Variants in RNF216 observed in about 807,000 individuals in gnomAD.
RNF216 encodes ring finger protein 216.
In RNF216, 72 loss-of-function variants were observed where a neutral mutation model predicts 110.8. That is an observed-to-expected ratio of 0.65 (90% CI 0.54 to 0.79). The LOEUF is 0.79. Ranked by LOEUF, RNF216 falls within the 30% of genes least tolerant of loss-of-function variation. The probability of loss-of-function intolerance (pLI) is 0.00; values close to 1 mark genes in which losing one functional copy is unlikely to be tolerated. For synonymous variants in RNF216, 495 were observed against 407.5 expected (o/e 1.21, Z -2.59); for missense variants, 1,342 against 1,141.2 (o/e 1.18, Z -2.54).
At chr7:5,729,260 T>C (rs1439689676) in intron 7 of RNF216, among the ~76,000 whole-genome samples, 172 bp downstream of exon 7, 1 of 152,216 alleles carries the variant, frequency 6.6e-6, no homozygotes, top group Middle Eastern at 3.2e-3. Flanking sequence ...CTATTATTTC[T>C]TTTCATTTAG....
chr7:5,672,761 G>A (rs1299887614), intron 13 of RNF216, among the ~76,000 whole-genome samples: 4 of 152,078 alleles, frequency 2.6e-5, no homozygotes, highest in East Asian at 1.9e-4. Flanking sequence ...GGTGAGCAGC[G>A]CAAGGTAGAG....
intron 13 of RNF216, among the ~76,000 whole-genome samples, chr7:5,707,235 A>G (rs751856564): frequency 2.6e-5 from 4 of 152,186 alleles, no homozygotes; most frequent in Admixed American, 6.5e-5. Flanking sequence ...TGTCTAGGAT[A>G]TTTGGGATCC....
rs190971662 is a variant in RNF216, at chr7:5,740,624, T to C, written c.1044+349A>G. 2.4e-3 allele frequency among the ~76,000 whole-genome samples: 370 copies of C among 152,306 alleles called. 1 individual carries two copies. Among genetic ancestry groups the C allele is most frequent in the Non-Finnish European group, 2.6e-3 (179 of 68,030 alleles). On this transcript the variant is annotated intron_variant, in intron 4 of 16. Coordinates refer to ENST00000389902, the MANE Select transcript of RNF216 (RefSeq NM_207111.4). ...CACAAGGAGCTAGTAAGTGCCATAT[T>C]GGACAGCATAGGTCTAGGTAATTCA...
intron 3 of RNF216, among the ~76,000 whole-genome samples, chr7:5,744,051 G>GT (rs1223573723): frequency 6.6e-6 from 1 of 152,154 alleles, no homozygotes; most frequent in Non-Finnish European, 1.5e-5. Context: ...AACAAGAGAA[G>GT]TAACAGACAA....
intron 11 of RNF216, among the ~76,000 whole-genome samples, chr7:5,714,555 A>G (rs557260369): frequency 2.6e-4 from 39 of 152,202 alleles, no homozygotes; most frequent in African/African-American, 7.5e-4. Context: ...ACCCGGGCAA[A>G]AAGTCATCTT....
intron 1 of RNF216, among the ~76,000 whole-genome samples, chr7:5,774,222 T>C (rs906850294): frequency 1.3e-5 from 2 of 152,176 alleles, no homozygotes; most frequent in East Asian, 1.9e-4. Flanking sequence ...TCCAGATAAA[T>C]TGTTCAATCT....
chr7:5,718,556 T>A (rs1233637284), intron 9 of RNF216, among the ~76,000 whole-genome samples: 2 of 151,990 alleles, frequency 1.3e-5, no homozygotes, highest in South Asian at 4.2e-4. Context: ...CACCCTTTTT[T>A]TTTTTTTTGA....
chr7:5,644,388 C>T (rs852467), intron 14 of RNF216, among the ~76,000 whole-genome samples: 3,698 of 152,128 alleles, frequency 0.024, 78 homozygotes, highest in African/African-American at 0.041. Flanking sequence ...AGGTGTGAAG[C>T]GGTATCTTAT....
chr7:5,712,960 T>C (rs940902422), intron 11 of RNF216, 97 bp from the exon 12 acceptor site: 4 of 1,104,170 alleles, frequency 3.6e-6, no homozygotes, highest in African/African-American at 3.2e-5. Flanking sequence ...TGAGACAACA[T>C]AGCAAGGATC....
At chr7:5,736,951 C>A (rs997184691) in intron 5 of RNF216, among the ~76,000 whole-genome samples, 1 of 151,694 alleles carries the variant, frequency 6.6e-6, no homozygotes, top group African/African-American at 2.4e-5. Flanking sequence ...AGGTGGGGAG[C>A]ACCTCTGCCC....
chr7:5,697,874 G>A (rs1791725350), intron 13 of RNF216, among the ~76,000 whole-genome samples: 1 of 152,144 alleles, frequency 6.6e-6, no homozygotes, highest in Admixed American at 6.5e-5. Context: ...AACACGAGAT[G>A]TTTTTAGCAG....
rs11319565 is a variant in RNF216 at position 5,671,805 on chromosome 7, C to CAAAAAAAAAAAAAAA, written c.2062-19310_2062-19296dup. Among the ~76,000 whole-genome samples, 182 of 54,216 alleles carry CAAAAAAAAAAAAAAA rather than the reference C, an allele frequency of 3.4e-3. 2 individuals are homozygous for CAAAAAAAAAAAAAAA. The highest frequency in any genetic ancestry group is 5.2e-3 in the Non-Finnish European group (157 of 30,360). The allele number at this position is 54,216 out of a possible 152,430, so 35.6% of individuals were successfully genotyped here. A position where few individuals can be genotyped will look rare whatever the true frequency, so the allele number is the denominator to read the frequency against. ...GAGCAAAGAGACCAAAACTCCGTCT[C>CAAAAAAAAAAAAAAA]AAAAAAAAAAAAAAAAAAAAAAAAG... On this transcript the variant is annotated intron_variant, in intron 13 of 16. Transcript: ENST00000389902.
intron 9 of RNF216, 138 bp from the exon 10 acceptor site, chr7:5,716,904 C>T: frequency 1.7e-6 from 1 of 572,848 alleles, no homozygotes. Flanking sequence ...AAAAGGTTAC[C>T]TGTGAATAAA....
At chr7:5,628,594 A>C (rs1786863397) in intron 15 of RNF216, among the ~76,000 whole-genome samples, 1 of 151,870 alleles carries the variant, frequency 6.6e-6, no homozygotes, top group African/African-American at 2.4e-5. Flanking sequence ...ACCATCATAG[A>C]TCACTGCAGC....
At chr7:5,664,871 C>G (rs1789405853) in intron 13 of RNF216, among the ~76,000 whole-genome samples, 1 of 152,214 alleles carries the variant, frequency 6.6e-6, no homozygotes, top group African/African-American at 2.4e-5. Flanking sequence ...TCTTGGCTCA[C>G]CGCAACCTCC....
chr7:5,665,326 T>A (rs191222055), intron 13 of RNF216, among the ~76,000 whole-genome samples: 1 of 152,266 alleles, frequency 6.6e-6, no homozygotes, highest in African/African-American at 2.4e-5. Flanking sequence ...CTCCCCCACC[T>A]CACTCCCTAG....
chr7:5,676,155 A>G (rs1790277361), intron 13 of RNF216, among the ~76,000 whole-genome samples: 1 of 151,756 alleles, frequency 6.6e-6, no homozygotes, highest in Non-Finnish European at 1.5e-5. Context: ...GACTACAGGC[A>G]TATGCCACCA....
intron 1 of RNF216, among the ~76,000 whole-genome samples, chr7:5,770,073 G>A (rs187394114): frequency 1.1e-4 from 17 of 149,744 alleles, no homozygotes; most frequent in Middle Eastern, 6.9e-3. Context: ...TCGGCTGGGC[G>A]TGGTGGCTCA....
intron 15 of RNF216, among the ~76,000 whole-genome samples, chr7:5,626,651 G>A (rs1250629241): frequency 2.7e-5 from 4 of 150,682 alleles, no homozygotes; most frequent in Admixed American, 1.3e-4. Context: ...CACCCTGGGC[G>A]ACAGAGTGAA....
Sources: allele counts gnomAD v4.1 joint callset (sites outside exome capture counted in the v4.1 genomes callset), GRCh38; gene constraint gnomAD v4.1.1; transcripts MANE v1.5; gene names NCBI Gene and HGNC (gene_info 2026-07-23, HGNC 2026-07-21).